The following CD44 variants were observed in gnomAD, a reference collection of about 807,000 sequenced individuals.
CD44 encodes the protein CD44 molecule (IN blood group), also known as CD44 antigen.
CD44 carries 49 observed loss-of-function variants against 88.8 expected under a neutral mutation model. The ratio of observed to expected loss-of-function variants is 0.55; its 90% CI spans 0.44 to 0.70. The LOEUF is 0.70. CD44 is among the 30% of genes least tolerant of loss of function. The pLI is 0.00. For missense variants in CD44, 883 were observed against 913.8 expected (o/e 0.97, Z 0.43); for synonymous variants, 325 against 312.3 (o/e 1.04, Z -0.43).
rs192608200 is a variant in CD44, at chr11:35,221,558, G to A, written c.1946-96G>A. On this transcript the variant is annotated intron_variant, in intron 16 of 17. Transcript: ENST00000428726. ...AGACCCCCCTGCAGCGCTGACTGTG[G>A]TGCTTGTTTCAACTAGGTCAATTAT... 25 of 1,023,198 alleles carry A rather than the reference G, an allele frequency of 2.4e-5. 1 individual carries two copies. The Middle Eastern group carries it at 1.2e-3, about 50-fold the overall frequency. 63.4% of individuals were successfully genotyped at this position (1,023,198 alleles called of 1,614,324 possible).
At chr11:35,187,010 C>G (rs1359776378) in intron 4 of CD44, 110 bp downstream of exon 4, 10 of 704,118 alleles carry the variant, frequency 1.4e-5, no homozygotes. Context: ...TGGTGGCTCA[C>G]TCCTGTAATC....
At position 35,176,594 on chromosome 11, in the gene CD44, C is replaced by G. The variant is rs1451369501; in HGVS notation, c.87C>G (p.Arg29=). The G allele has an allele frequency of 6.2e-7, 1 of 1,611,080 alleles. No homozygotes were observed. Among genetic ancestry groups the G allele is most frequent in the Admixed American group, 1.7e-5 (1 of 59,160 alleles). ...CCATAGATTTGAATATAACCTGCCG[C>G]TTTGCAGGTGTATTCCACGTGGAGA... ...LAQIDLNITC[R]FAGVFHVEKN... Residue 29 remains arginine, a synonymous_variant, in exon 2 of 18, where the codon CGC becomes CGG. Coordinates refer to ENST00000428726, the MANE Select transcript of CD44 (RefSeq NM_000610.4).
rs1208547305 is a variant in CD44, at chr11:35,201,713, A to G, written c.1079A>G (p.Asn360Ser). 4.3e-6 allele frequency: 7 copies of G among 1,613,632 alleles called. No individual in the cohort carries two copies. The Admixed American group carries it at 1.2e-4, about 27-fold the overall frequency. Residue 360 changes from asparagine (N) to serine (S), a missense_variant, in exon 9 of 18, where the codon AAC (asparagine) becomes AGC (serine). Transcript: ENST00000428726. ...ACCACTGCTTATGAAGGAAACTGGA[A>G]CCCAGAAGCACACCCTCCCCTCATT... ...NGTTAYEGNW[N>S]PEAHPPLIHH...
intron 10 of CD44, 144 bp from the exon 11 acceptor site, chr11:35,205,968 A>G (rs1005281049): frequency 1.7e-5 from 22 of 1,291,430 alleles, no homozygotes; most frequent in Non-Finnish European, 2.0e-5. Context: ...TTCTGCGTTT[A>G]TGCAACTTCC....
intron 1 of CD44, among the ~76,000 whole-genome samples, chr11:35,168,772 A>G (rs919767705): frequency 2.6e-5 from 4 of 152,254 alleles, no homozygotes; most frequent in African/African-American, 9.6e-5. Context: ...CTCTTTGGGC[A>G]TAGTATGACT....
intron 1 of CD44, among the ~76,000 whole-genome samples, chr11:35,146,671 G>T (rs112256183): frequency 1.3e-5 from 2 of 152,196 alleles, no homozygotes; most frequent in East Asian, 1.9e-4. Context: ...AAGTGATGGC[G>T]CTGGGATTCA....
rs746302323 is a variant in CD44 at position 35,201,097 on chromosome 11, G to A, written c.938G>A (p.Arg313Gln). The A allele has an allele frequency of 6.8e-6, 11 of 1,613,444 alleles. No individual in the cohort carries two copies. The highest frequency in any genetic ancestry group is 6.6e-5 in the South Asian group (6 of 91,066). The stretch of plus-strand genomic sequence containing the variant: ...GTTATCACAGTTTCAACCACACCAC[G>A]GGCTTTTGACCACACAAAACAGAAC... ...FISSTISTTP[R>Q]AFDHTKQNQD... Residue 313 changes from arginine to glutamine, a missense_variant, in exon 8 of 18, where the codon CGG becomes CAG. By Grantham distance (43) the Arg-to-Gln change is conservative. Around this residue, in one of 2 missense-constraint regions of CD44, gnomAD observed 631 missense variants for 590.9 expected, o/e 1.07. Coordinates refer to ENST00000428726, the MANE Select transcript of CD44 (RefSeq NM_000610.4).
At chr11:35,157,511 T>C (rs1942060569) in intron 1 of CD44, among the ~76,000 whole-genome samples, 1 of 152,226 alleles carries the variant, frequency 6.6e-6, no homozygotes, top group Non-Finnish European at 1.5e-5. Flanking sequence ...TCTATCTTTA[T>C]CTATTTATAT....
chr11:35,187,177 G>C (rs147337919), intron 4 of CD44, among the ~76,000 whole-genome samples: 3 of 152,108 alleles, frequency 2.0e-5, no homozygotes, highest in African/African-American at 7.2e-5. Context: ...AGGAGGCTGA[G>C]GCAGGAGAAT....
intron 3 of CD44, among the ~76,000 whole-genome samples, chr11:35,185,369 C>G (rs1007705205): frequency 6.6e-5 from 10 of 152,042 alleles, no homozygotes; most frequent in Admixed American, 1.3e-4. Flanking sequence ...ACTAACTGCC[C>G]AAAGAAATGG....
At chr11:35,185,629 T>C (rs2133825671) in intron 3 of CD44, among the ~76,000 whole-genome samples, 1 of 152,326 alleles carries the variant, frequency 6.6e-6, no homozygotes, top group Middle Eastern at 3.4e-3. Context: ...CATCTCCTTC[T>C]TCCTCTTTGC....
chr11:35,228,978 A>G, intron 17 of CD44, 151 bp from the exon 18 acceptor site: 2 of 633,670 alleles, frequency 3.2e-6, no homozygotes, highest in South Asian at 4.3e-5. Context: ...GTTAGTTGTT[A>G]AAGTAGAGAA....
chr11:35,204,030 G>C (rs1947568830), intron 9 of CD44, among the ~76,000 whole-genome samples: 1 of 152,126 alleles, frequency 6.6e-6, no homozygotes. Context: ...TCCACTGCTG[G>C]TGCATTTCCA....
In CD44 at chr11:35,196,818, G is replaced by A; in HGVS notation, c.740G>A (p.Trp247Ter). ...KRQETWDWFS[W>*]LFLPSESKNH... ...CAAGAAACCTGGGATTGGTTTTCAT[G>A]GTTGTTTCTACCATCAGAGTCAAAG... is the stretch of plus-strand genomic sequence containing the variant. Residue 247 changes from tryptophan (W) to a stop codon, truncating the protein, a stop_gained, in exon 6 of 18, where the codon TGG (tryptophan) becomes TAG (stop). Transcript: ENST00000428726. LOFTEE classifies it high-confidence loss of function. 6.2e-7 allele frequency: 1 copy of A among 1,613,740 alleles called. No homozygotes were observed.
At chr11:35,202,450 C>G (rs1344173825) in intron 9 of CD44, among the ~76,000 whole-genome samples, 2 of 152,200 alleles carry the variant, frequency 1.3e-5, no homozygotes, top group Non-Finnish European at 2.9e-5. Flanking sequence ...GGCCCCCTCA[C>G]TCCCCAAACA....
intron 4 of CD44, among the ~76,000 whole-genome samples, chr11:35,188,040 A>G (rs575230409): frequency 2.0e-3 from 301 of 152,282 alleles, no homozygotes; most frequent in Non-Finnish European, 3.5e-3. Flanking sequence ...AATCTCAACC[A>G]GAACTTTCAA....
At chr11:35,143,195 A>G (rs1003152676) in intron 1 of CD44, among the ~76,000 whole-genome samples, 2 of 152,006 alleles carry the variant, frequency 1.3e-5, no homozygotes, top group African/African-American at 4.8e-5. Flanking sequence ...GTGTTCGACA[A>G]TGATTCTCTG....
intron 1 of CD44, among the ~76,000 whole-genome samples, chr11:35,174,120 G>C (rs1220648715): frequency 6.6e-6 from 1 of 152,212 alleles, no homozygotes; most frequent in African/African-American, 2.4e-5. Context: ...CTCTCCTATT[G>C]CTGTCAGCTC....
intron 17 of CD44, among the ~76,000 whole-genome samples, chr11:35,224,857 G>A (rs1467921527): frequency 6.6e-6 from 1 of 152,152 alleles, no homozygotes; most frequent in African/African-American, 2.4e-5. Context: ...TCACTTTAAT[G>A]GGAATAATCG....
Sources: allele counts gnomAD v4.1 joint callset (sites outside exome capture counted in the v4.1 genomes callset), GRCh38; gene constraint gnomAD v4.1.1; regional missense constraint gnomAD v4.1.1; transcripts MANE v1.5; gene names NCBI Gene and HGNC (gene_info 2026-07-23, HGNC 2026-07-21).